The following KIF1B variants were observed in gnomAD, a reference collection of about 807,000 sequenced individuals.
KIF1B encodes kinesin family member 1B, also known as kinesin-like protein KIF1B.
A neutral mutation model predicts 241.9 loss-of-function variants in KIF1B; 76 were observed. The ratio of observed to expected loss-of-function variants is 0.31; its 90% CI spans 0.26 to 0.38. The LOEUF (loss-of-function observed/expected upper bound fraction) is 0.38, where lower values mean the gene tolerates loss of function less well. KIF1B is among the 10% of genes least tolerant of loss of function. The pLI is 1.00. For synonymous variants in KIF1B, 750 were observed against 796.7 expected, an observed-to-expected ratio of 0.94 and a Z score of 0.99; for missense variants, 1,622 against 2,271.4, an observed-to-expected ratio of 0.71 and a Z score of 5.81.
At chr1:10,224,666 CT>C (rs1284142924) in intron 1 of KIF1B, among the ~76,000 whole-genome samples, 2 of 152,182 alleles carry the variant, frequency 1.3e-5, no homozygotes, top group Admixed American at 1.3e-4. Flanking sequence ...TCAAGCAATT[CT>C]TTCACTTTAG....
chr1:10,372,959 A>G (rs915374141), intron 45 of KIF1B, among the ~76,000 whole-genome samples: 1 of 145,438 alleles, frequency 6.9e-6, no homozygotes. Context: ...GATTACAGGC[A>G]CCCGCCACCA....
chr1:10,225,157 C>T (rs1456865312), intron 1 of KIF1B, among the ~76,000 whole-genome samples: 2 of 152,160 alleles, frequency 1.3e-5, no homozygotes, highest in Non-Finnish European at 2.9e-5. Flanking sequence ...CACTCTGTGG[C>T]CTAGGGGTTG....
chr1:10,250,037 G>A (rs188397325), intron 2 of KIF1B, among the ~76,000 whole-genome samples: 180 of 152,142 alleles, frequency 1.2e-3, no homozygotes, highest in Non-Finnish European at 1.7e-3. Flanking sequence ...TCTCGAACGC[G>A]TAGGCTCAGA....
At chr1:10,324,958 C>T (rs1387808700) in intron 26 of KIF1B, 63 bp downstream of exon 26, 2 of 1,569,992 alleles carry the variant, frequency 1.3e-6, no homozygotes, top group Non-Finnish European at 1.8e-6. Context: ...TGTTTAAAAC[C>T]TGAGCAGATA....
At chr1:10,301,200 CA>C (rs1215131448) in intron 22 of KIF1B, among the ~76,000 whole-genome samples, 1 of 152,040 alleles carries the variant, frequency 6.6e-6, no homozygotes, top group Non-Finnish European at 1.5e-5. Context: ...GTCTAGGAGG[CA>C]AGGTACTATT....
intron 22 of KIF1B, chr1:10,307,483 T>C: frequency 2.6e-6 from 1 of 388,858 alleles, no homozygotes; most frequent in Non-Finnish European, 3.6e-6. Context: ...CTAACTTTTG[T>C]ATTTTTAGTA....
chr1:10,213,580 ATAG>A (rs1296131152), intron 1 of KIF1B, among the ~76,000 whole-genome samples: 2 of 152,162 alleles, frequency 1.3e-5, no homozygotes, highest in Non-Finnish European at 2.9e-5. Flanking sequence ...GCTGCTAATC[ATAG>A]TAGATCTTTT....
rs530942902 is a variant in KIF1B at position 10,365,786 on chromosome 1, C to T, written c.4752+138C>T. ...TACTGTGAATGTAGAAATAAAAAGACGCAGTTCCTACCCTCAACAAGCTTA... is the reference window on the plus strand; with the variant it reads ...TACTGTGAATGTAGAAATAAAAAGATGCAGTTCCTACCCTCAACAAGCTTA... On this transcript the variant is annotated intron_variant, in intron 43 of 48. Transcript: ENST00000676179. The surrounding 1 kb of genome is among the most constrained non-coding windows in gnomAD (Gnocchi z 4.0). The T allele has an allele frequency of 5.6e-6, 7 of 1,259,236 alleles. No individual in the cohort carries two copies. Among genetic ancestry groups the T allele is most frequent in the East Asian group, 2.4e-5 (1 of 42,232 alleles). The allele number at this position is 1,259,236 out of a possible 1,614,324, so 78.0% of individuals were successfully genotyped here. A position where few individuals can be genotyped will look rare whatever the true frequency, so the allele number is the denominator to read the frequency against.
rs556117169 is a variant in KIF1B, at chr1:10,326,304, A to G, written c.2869A>G (p.Ser957Gly). 3.8e-5 allele frequency: 61 copies of G among 1,614,216 alleles called. 2 individuals are homozygous for G. The highest frequency in any genetic ancestry group is 3.7e-4 in the South Asian group (34 of 91,082). The change falls in exon 27 of 49, where the codon AGT becomes GGT. Residue 957 changes from serine to glycine, a missense_variant. Transcript: ENST00000676179. The surrounding 1 kb of genome is among the most constrained non-coding windows in gnomAD (Gnocchi z 5.2). ...AGTEEGSDLF[S>G]DGHDPFYDRS... ...GACGGAGGAGGGATCAGATCTCTTCAGTGACGGGCATGACCCGTTTTACGA... is the reference window on the plus strand; with the variant it reads ...GACGGAGGAGGGATCAGATCTCTTCGGTGACGGGCATGACCCGTTTTACGA...
At chr1:10,310,145 A>C (rs1303894087) in intron 22 of KIF1B, among the ~76,000 whole-genome samples, 1 of 151,642 alleles carries the variant, frequency 6.6e-6, no homozygotes, top group Non-Finnish European at 1.5e-5. Context: ...TATCTGTCTT[A>C]TTCACTTCGC....
rs143436813 is a variant in KIF1B at position 10,246,484 on chromosome 1, G to A, written c.107-9763G>A. ...ATCAGGGCTGGGTGTGGTGGCTCACGCCTGTAATCCCAGCACTTTGGGAGG... is the reference window on the plus strand; with the variant it reads ...ATCAGGGCTGGGTGTGGTGGCTCACACCTGTAATCCCAGCACTTTGGGAGG... On this transcript the variant is annotated intron_variant, in intron 2 of 48. Coordinates refer to ENST00000676179, the MANE Select transcript of KIF1B (RefSeq NM_001365951.3). Among the ~76,000 whole-genome samples, 1,096 of 152,244 alleles carry A rather than the reference G, an allele frequency of 7.2e-3. 13 individuals are homozygous for A. Among genetic ancestry groups the A allele is most frequent in the Middle Eastern group, 0.037 (11 of 294 alleles).
intron 19 of KIF1B, 31 bp from the exon 20 acceptor site, chr1:10,296,551 G>A (rs1384551448): frequency 1.3e-6 from 2 of 1,549,652 alleles, no homozygotes; most frequent in Non-Finnish European, 8.9e-7. Context: ...AGTTTGTAAT[G>A]ATAACATTAG....
intron 31 of KIF1B, 149 bp from the exon 32 acceptor site, chr1:10,339,620 A>G: frequency 2.8e-6 from 2 of 718,456 alleles, no homozygotes; most frequent in East Asian, 2.7e-5. Flanking sequence ...GCAATATGGA[A>G]AAGGTTCTTG....
chr1:10,339,981 G>T (rs1652329766), intron 32 of KIF1B, 122 bp downstream of exon 32: 12 of 837,142 alleles, frequency 1.4e-5, no homozygotes, highest in Non-Finnish European at 2.2e-5. Context: ...GTAGACAATA[G>T]AGGGCGTGGC....
intron 13 of KIF1B, chr1:10,278,435 C>G (rs1022950545): frequency 3.1e-6 from 1 of 319,908 alleles, no homozygotes; most frequent in Admixed American, 4.8e-5. Flanking sequence ...TTATTTGGAA[C>G]GTTAAACCTG....
chr1:10,354,279 T>C (rs1652899923), intron 38 of KIF1B, among the ~76,000 whole-genome samples: 1 of 152,240 alleles, frequency 6.6e-6, no homozygotes, highest in Non-Finnish European at 1.5e-5. Context: ...TATCAAACTT[T>C]TGCTGGAAAG....
chr1:10,375,865 C>T (rs765830770), intron 48 of KIF1B, among the ~76,000 whole-genome samples: 16 of 123,852 alleles, frequency 1.3e-4, no homozygotes, highest in Admixed American at 9.8e-4. Flanking sequence ...GGCATGATAT[C>T]GGCTCACCGC....
chr1:10,365,089 T>G lies in KIF1B; in HGVS notation c.4367-11T>G. ...TTTTCTGAAACAAAAACTTGTTTCCTCTTGTCTTAGGTATGCAGAGAAGGA... is the reference window on the plus strand; with the variant it reads ...TTTTCTGAAACAAAAACTTGTTTCCGCTTGTCTTAGGTATGCAGAGAAGGA... On this transcript the variant is annotated splice_polypyrimidine_tract_variant and intron_variant, in intron 41 of 48. Transcript: ENST00000676179. The surrounding 1 kb of genome is among the most constrained non-coding windows in gnomAD (Gnocchi z 4.0). The G allele has an allele frequency of 6.2e-7, 1 of 1,613,244 alleles. No homozygotes were observed.
In KIF1B at chr1:10,308,600, G is replaced by C. The variant is rs1266578397; in HGVS notation, c.2115+11354G>C. The C allele has an allele frequency of 9.9e-6, 10 of 1,014,176 alleles. No individual in the cohort carries two copies. The African/African-American group carries it at 1.7e-4, about 17-fold the overall frequency. 62.8% of individuals were successfully genotyped at this position (1,014,176 alleles called of 1,614,324 possible). On this transcript the variant is annotated intron_variant, in intron 22 of 48. Coordinates refer to ENST00000676179, the MANE Select transcript of KIF1B (RefSeq NM_001365951.3). ...TAAAAGTTGAAGTCATCTTTTAAGAGTGTGATTTCTCTCTATGTGGGAAGA... is the reference window on the plus strand; with the variant it reads ...TAAAAGTTGAAGTCATCTTTTAAGACTGTGATTTCTCTCTATGTGGGAAGA...
Sources: gnomAD v4.1 joint callset for allele counts (sites outside exome capture counted in the v4.1 genomes callset) on GRCh38, gnomAD v4.1.1 for gene constraint, Gnocchi (gnomAD v3.1) non-coding constraint, MANE v1.5 for transcripts, NCBI Gene and HGNC (gene_info 2026-07-23, HGNC 2026-07-21) for gene names.